CGRRF1: variants seen among roughly 807,000 people sequenced by gnomAD.
CGRRF1 encodes cell growth regulator with ring finger domain 1.
CGRRF1 carries 32 observed loss-of-function variants against 37.2 expected under a neutral mutation model. That is an observed-to-expected ratio of 0.86 (90% confidence interval 0.65 to 1.16). CGRRF1 has a LOEUF of 1.16. CGRRF1 is among the 50% of genes most tolerant of loss of function. The pLI, the probability that CGRRF1 is intolerant of heterozygous loss-of-function variation, is 0.00. For synonymous variants in CGRRF1, 141 were observed against 140.3 expected (o/e 1.00, Z -0.04); for missense variants, 391 against 382.6 (o/e 1.02, Z -0.18).
At chr14:54,530,813 T>C (rs571804321) in intron 3 of CGRRF1, 90 bp from the exon 4 acceptor site, 52 of 1,083,620 alleles carry the variant, frequency 4.8e-5, no homozygotes, top group Non-Finnish European at 6.5e-5. Flanking sequence ...AGACTTCTTA[T>C]GGATAAAGTG....
At position 54,533,542 on chromosome 14, in the gene CGRRF1, T is replaced by G. The variant is rs2032553276; in HGVS notation, c.570+2492T>G. On this transcript the variant is annotated intron_variant, in intron 4 of 5. Coordinates refer to ENST00000216420, the MANE Select transcript of CGRRF1 (RefSeq NM_006568.3). Reference sequence around the variant, plus strand: ...ATTTTGTATTAATGTTCTCTGTTTATAATTTTAAAAGCAAATGGACCATTT... The same window carrying G: ...ATTTTGTATTAATGTTCTCTGTTTAGAATTTTAAAAGCAAATGGACCATTT... Among the ~76,000 whole-genome samples, 6 of 152,342 alleles carry G rather than the reference T, an allele frequency of 3.9e-5. No homozygotes were observed. In the South Asian group the frequency reaches 1.2e-3, roughly 32 times the overall value.
At chr14:54,534,582 T>G (rs2032571250) in intron 4 of CGRRF1, among the ~76,000 whole-genome samples, 1 of 152,254 alleles carries the variant, frequency 6.6e-6, no homozygotes, top group South Asian at 2.1e-4. Context: ...TTTAAAACTT[T>G]TTATTTGTAC....
At position 54,509,967 on chromosome 14, in the gene CGRRF1, C is replaced by A. The variant is rs377205659; in HGVS notation, c.8C>A (p.Ala3Glu). Residue 3 changes from alanine to glutamate, a missense_variant, in exon 1 of 6, where the codon GCG (alanine) becomes GAG (glutamate). Coordinates refer to ENST00000216420, the MANE Select transcript of CGRRF1 (RefSeq NM_006568.3). ...ACCCAGAGCAAGACCCTGATGGCTG[C>A]GGTGTTTCTGGTAACGCTTTATGAA... is the stretch of plus-strand genomic sequence containing the variant. MA[A>E]VFLVTLYEYS... The A allele has an allele frequency of 2.5e-6, 4 of 1,612,086 alleles. No homozygotes were observed. The African/African-American group carries it at 5.3e-5, about 22-fold the overall frequency.
chr14:54,514,924 T>C (rs568326079), intron 1 of CGRRF1, among the ~76,000 whole-genome samples: 16 of 152,320 alleles, frequency 1.1e-4, no homozygotes, highest in Admixed American at 7.8e-4. Context: ...ATATCTCTGT[T>C]ACTGATTTAT....
At position 54,510,962 on chromosome 14, in the gene CGRRF1, CTG is replaced by C. The variant is rs563692303; in HGVS notation, c.104+901_104+902del. Among the ~76,000 whole-genome samples the C allele has an allele frequency of 5.3e-5, 8 of 152,280 alleles. No homozygotes were observed. In the East Asian group the frequency reaches 9.6e-4, roughly 18 times the overall value. ...TGGTCTGAAGAGGTCAGAGGGGACT[CTG>C]TTGAAGAGGGACATGAGCTGGATTT... is the stretch of plus-strand genomic sequence containing the variant. On this transcript the variant is annotated intron_variant, in intron 1 of 5. Coordinates refer to ENST00000216420, the MANE Select transcript of CGRRF1 (RefSeq NM_006568.3).
At chr14:54,522,014 T>C (rs934074689) in intron 1 of CGRRF1, among the ~76,000 whole-genome samples, 14 of 152,228 alleles carry the variant, frequency 9.2e-5, no homozygotes, top group Admixed American at 7.2e-4. Flanking sequence ...CCTTGATATC[T>C]GAGGGGGATT....
intron 1 of CGRRF1, among the ~76,000 whole-genome samples, chr14:54,520,350 G>A (rs2032295190): frequency 6.6e-6 from 1 of 152,062 alleles, no homozygotes; most frequent in Admixed American, 6.6e-5. Flanking sequence ...AATCAGGACG[G>A]TCTCGATCTC....
At chr14:54,513,914 G>A (rs540681563) in intron 1 of CGRRF1, among the ~76,000 whole-genome samples, 1 of 152,218 alleles carries the variant, frequency 6.6e-6, no homozygotes, top group African/African-American at 2.4e-5. Flanking sequence ...AATATTGTTT[G>A]GAAAGAAGTA....
intron 3 of CGRRF1, chr14:54,530,598 T>C: frequency 2.3e-6 from 2 of 882,240 alleles, no homozygotes; most frequent in Non-Finnish European, 3.4e-6. Flanking sequence ...TCCTTTCATC[T>C]GATATACCCA....
chr14:54,522,633 C>T (rs372053282), intron 2 of CGRRF1, 40 bp downstream of exon 2: 2 of 1,543,150 alleles, frequency 1.3e-6, no homozygotes, highest in Admixed American at 2.2e-5. Context: ...TCATTGTTTG[C>T]CCTCTTTTTT....
chr14:54,517,787 C>G (rs2032242418), intron 1 of CGRRF1, among the ~76,000 whole-genome samples: 1 of 152,172 alleles, frequency 6.6e-6, no homozygotes, highest in Non-Finnish European at 1.5e-5. Context: ...AGCTCCCACC[C>G]TGATGGGCCC....
Position 54,530,949 on chromosome 14 carries a change from G to T in CGRRF1, c.469G>T (p.Asp157Tyr). 1 of 1,598,416 alleles carries T rather than the reference G, an allele frequency of 6.3e-7. No homozygotes were observed. The highest frequency in any genetic ancestry group is 8.6e-7 in the Non-Finnish European group (1 of 1,165,780). The change falls in exon 4 of 6, where the codon GAT (aspartate) becomes TAT (tyrosine). Residue 157 changes from aspartate (D) to tyrosine (Y), a missense_variant. Asp to Tyr is a radical substitution (Grantham distance 160, BLOSUM62 -3). Transcript: ENST00000216420. ...KEEIYCQLPR[D>Y]TKIEDFGTVP... ...AGAAATATATTGCCAGTTACCAAGAGATACTAAAATTGAAGACTTTGGTAC... is the reference window on the plus strand; with the variant it reads ...AGAAATATATTGCCAGTTACCAAGATATACTAAAATTGAAGACTTTGGTAC...
intron 1 of CGRRF1, among the ~76,000 whole-genome samples, chr14:54,512,913 A>G (rs1439714852): frequency 6.6e-6 from 1 of 152,188 alleles, no homozygotes; most frequent in African/African-American, 2.4e-5. Flanking sequence ...CCCTTGTCCT[A>G]GGAGTGATAG....
At chr14:54,530,669 G>T in intron 3 of CGRRF1, 2 of 840,728 alleles carry the variant, frequency 2.4e-6, no homozygotes, top group Non-Finnish European at 3.7e-6. Flanking sequence ...ATCATTTTTG[G>T]TATACTAGAA....
At chr14:54,512,094 G>A (rs2032139029) in intron 1 of CGRRF1, among the ~76,000 whole-genome samples, 1 of 152,192 alleles carries the variant, frequency 6.6e-6, no homozygotes, top group African/African-American at 2.4e-5. Context: ...AGTCAGAAGG[G>A]TAAACTAGTT....
intron 2 of CGRRF1, among the ~76,000 whole-genome samples, chr14:54,526,117 C>A (rs1318344123): frequency 1.3e-5 from 2 of 150,804 alleles, no homozygotes; most frequent in African/African-American, 4.9e-5. Flanking sequence ...AACAAAAAAA[C>A]ACACATGCTT....
At position 54,531,061 on chromosome 14, in the gene CGRRF1, G is replaced by C. The variant is rs369430034; in HGVS notation, c.570+11G>C. 6.3e-6 allele frequency: 10 copies of C among 1,587,520 alleles called. No individual in the cohort carries two copies. Among genetic ancestry groups the C allele is most frequent in the Middle Eastern group, 1.7e-4 (1 of 6,040 alleles). ...GAAATTTATGATATTGTAAGTAATT[G>C]AAAATTTTGAAAGCATTACCTTTAA... On this transcript the variant is annotated intron_variant, in intron 4 of 5. Coordinates refer to ENST00000216420, the MANE Select transcript of CGRRF1 (RefSeq NM_006568.3).
intron 2 of CGRRF1, among the ~76,000 whole-genome samples, chr14:54,524,965 T>C (rs1048710932): frequency 7.2e-5 from 11 of 152,136 alleles, no homozygotes; most frequent in Admixed American, 5.9e-4. Flanking sequence ...GAGGATTGCT[T>C]GAGTCCAGGA....
intron 5 of CGRRF1, 72 bp from the exon 6 acceptor site, chr14:54,537,988 GCTT>G (rs747284852): frequency 3.6e-5 from 53 of 1,452,200 alleles, no homozygotes; most frequent in Non-Finnish European, 4.5e-5. Context: ...ATTTTAAGCC[GCTT>G]CTTATGACCC....
Sources: allele counts gnomAD v4.1 joint callset (sites outside exome capture counted in the v4.1 genomes callset), GRCh38; gene constraint gnomAD v4.1.1; transcripts MANE v1.5; gene names NCBI Gene and HGNC (gene_info 2026-07-23, HGNC 2026-07-21).